SYNE1: variants seen among roughly 807,000 people sequenced by gnomAD.
The protein encoded by SYNE1 is nesprin-1.
Under a neutral mutation model 1,111.0 loss-of-function variants are expected in SYNE1, and 616 were observed. The observed-to-expected ratio is 0.55, with a 90% confidence interval of 0.52 to 0.59. SYNE1 has a LOEUF of 0.59. SYNE1 is among the 20% of genes least tolerant of loss of function. SYNE1 has a pLI of 0.00. For missense variants in SYNE1, 10,006 were observed against 10,417.0 expected (o/e 0.96, Z 1.72); for synonymous variants, 3,855 against 3,825.8 (o/e 1.01, Z -0.28).
At chr6:152,184,722 T>C (rs2069287498) in intron 128 of SYNE1, among the ~76,000 whole-genome samples, 1 of 152,012 alleles carries the variant, frequency 6.6e-6, no homozygotes, top group Admixed American at 6.6e-5. Flanking sequence ...ACCATGAAAA[T>C]GTTGCTTTCA....
intron 95 of SYNE1, among the ~76,000 whole-genome samples, chr6:152,287,952 T>A (rs1006078758): frequency 1.3e-5 from 2 of 152,246 alleles, no homozygotes; most frequent in African/African-American, 4.8e-5. Context: ...TTATTATATA[T>A]GCAAAGTATT....
At chr6:152,390,205 G>T in intron 53 of SYNE1, 75 bp downstream of exon 53, 3 of 1,524,678 alleles carry the variant, frequency 2.0e-6, no homozygotes, top group East Asian at 4.5e-5. Context: ...CACCCCAGGA[G>T]ACCTCAGTAC....
intron 56 of SYNE1, 108 bp downstream of exon 56, chr6:152,380,898 G>A: frequency 1.0e-6 from 1 of 1,002,414 alleles, no homozygotes; most frequent in Non-Finnish European, 1.6e-6. Flanking sequence ...TCTTCCAAGT[G>A]TGCATGTTGC....
chr6:152,233,855 C>T lies in SYNE1; in HGVS notation c.20638G>A (p.Glu6880Lys). The change falls in exon 112 of 146, where the codon GAG becomes AAG. Residue 6880 changes from glutamate to lysine, a missense_variant. This residue lies in a region of SYNE1 where 2,182 missense variants were observed against 2,287.8 expected (regional missense o/e 0.95). Coordinates refer to ENST00000367255, the MANE Select transcript of SYNE1 (RefSeq NM_182961.4). ...CACTGGCTATCAATGCGCGACAGCTCAGAGCGCAGCGTGGCTGTGTCCACC... is the reference window on the plus strand; with the variant it reads ...CACTGGCTATCAATGCGCGACAGCTTAGAGCGCAGCGTGGCTGTGTCCACC... ...KKVDTATLRSELSRIDSQWTD... is the reference protein window; with the variant it reads ...KKVDTATLRSKLSRIDSQWTD... The T allele has an allele frequency of 6.2e-7, 1 of 1,614,200 alleles. No individual in the cohort carries two copies. The highest frequency in any genetic ancestry group is 1.1e-5 in the South Asian group (1 of 91,084).
At chr6:152,462,110 T>C (rs949386826) in intron 20 of SYNE1, among the ~76,000 whole-genome samples, 11 of 149,140 alleles carry the variant, frequency 7.4e-5, no homozygotes, top group Admixed American at 4.0e-4. Flanking sequence ...AAAAAAAAAG[T>C]AACTCATTGC....
intron 8 of SYNE1, among the ~76,000 whole-genome samples, chr6:152,507,453 ATATATGTAGGTATGCACAC>A (rs1240318928): frequency 1.3e-5 from 2 of 152,174 alleles, no homozygotes; most frequent in African/African-American, 4.8e-5. Context: ...TGTTGAAAAA[ATATATGTAGGTATGCACAC>A]ACACACATAC....
At chr6:152,405,136 C>T (rs974189201) in intron 45 of SYNE1, among the ~76,000 whole-genome samples, 1 of 152,176 alleles carries the variant, frequency 6.6e-6, no homozygotes, top group Non-Finnish European at 1.5e-5. Flanking sequence ...TATACTGCAG[C>T]GGGAATGGCC....
chr6:152,453,313 G>A, intron 25 of SYNE1: 1 of 598,888 alleles, frequency 1.7e-6, no homozygotes, highest in Non-Finnish European at 2.9e-6. Flanking sequence ...TAAGTTAAAT[G>A]TTCTTGCACC....
intron 145 of SYNE1, among the ~76,000 whole-genome samples, chr6:152,124,809 C>T (rs1357306944): frequency 1.3e-5 from 2 of 152,158 alleles, no homozygotes; most frequent in African/African-American, 4.8e-5. Context: ...ATAAAATATT[C>T]ATGTTGAGAC....
At chr6:152,440,319 C>T (rs1020847598) in intron 32 of SYNE1, among the ~76,000 whole-genome samples, 1 of 152,188 alleles carries the variant, frequency 6.6e-6, no homozygotes, top group African/African-American at 2.4e-5. Flanking sequence ...TCCTTTTAAG[C>T]CTTCAACAAG....
intron 3 of SYNE1, among the ~76,000 whole-genome samples, chr6:152,552,778 A>C (rs2099351788): frequency 6.6e-6 from 1 of 152,192 alleles, no homozygotes; most frequent in South Asian, 2.1e-4. Context: ...TGCACAGAGC[A>C]CCAGGTGGTG....
rs535136412 is a variant in SYNE1 at position 152,504,405 on chromosome 6, T to G, written c.778+796A>C. Reference sequence around the variant, plus strand: ...AGAGCTAGGGAAGTTCAGTCTGAAATTCCATCTTTAAAAATAATTTTTGGT... The same window carrying G: ...AGAGCTAGGGAAGTTCAGTCTGAAAGTCCATCTTTAAAAATAATTTTTGGT... On this transcript the variant is annotated intron_variant, in intron 9 of 145. Coordinates refer to ENST00000367255, the MANE Select transcript of SYNE1 (RefSeq NM_182961.4). Among the ~76,000 whole-genome samples, 11 of 152,226 alleles carry G rather than the reference T, an allele frequency of 7.2e-5. No individual in the cohort carries two copies. The East Asian group carries it at 2.1e-3, about 29-fold the overall frequency.
chr6:152,305,675 A>G (rs1267723318), intron 91 of SYNE1, among the ~76,000 whole-genome samples: 1 of 152,220 alleles, frequency 6.6e-6, no homozygotes, highest in Non-Finnish European at 1.5e-5. Flanking sequence ...TTCAATTAAA[A>G]CAAGACAGAA....
At chr6:152,220,119 TA>T (rs1408576431) in intron 119 of SYNE1, among the ~76,000 whole-genome samples, 5 of 152,244 alleles carry the variant, frequency 3.3e-5, no homozygotes, top group Non-Finnish European at 5.9e-5. Flanking sequence ...TCTTTAGCTT[TA>T]AAGTGATTAT....
chr6:152,358,373 C>T lies in SYNE1; in HGVS notation c.10608G>A (p.Gln3536=), dbSNP rs1246237055. ...HTHETTLRDL[Q]ELQVHCAEGQ... Reference sequence around the variant, plus strand: ...TGTTTTAGGATAAAGGAGGCCTTACCTGAAGATCACGCAATGTTGTCTCAT... The same window carrying T: ...TGTTTTAGGATAAAGGAGGCCTTACTTGAAGATCACGCAATGTTGTCTCAT... The change falls in exon 66 of 146, where the codon CAG becomes CAA. Residue 3536 remains glutamine (Q), a splice_region_variant and synonymous_variant. Coordinates refer to ENST00000367255, the MANE Select transcript of SYNE1 (RefSeq NM_182961.4). 4 of 1,614,110 alleles carry T rather than the reference C, an allele frequency of 2.5e-6. No homozygotes were observed. The highest frequency in any genetic ancestry group is 3.3e-4 in the Middle Eastern group (2 of 6,062).
In SYNE1 at chr6:152,350,682, A is replaced by T. The variant is rs750372071; in HGVS notation, c.11669T>A (p.Val3890Asp). 89 of 1,614,048 alleles carry T rather than the reference A, an allele frequency of 5.5e-5. 5 individuals carry two copies. The South Asian group carries it at 9.1e-4, about 17-fold the overall frequency. Residue 3890 changes from valine to aspartate, a missense_variant, in exon 71 of 146, where the codon GTC (valine) becomes GAC (aspartate). Around this residue, in one of 7 missense-constraint regions of SYNE1, gnomAD observed 4,955 missense variants for 5,017.2 expected, o/e 0.99. Transcript: ENST00000367255. Reference protein sequence around the residue: ...GEALLELVQDVTLKDKIDQLQ... With the variant: ...GEALLELVQDDTLKDKIDQLQ... The stretch of plus-strand genomic sequence containing the variant: ...TTGATCTATTTTGTCCTTTAAAGTG[A>T]CGTCCTGCACCAGTTCCAAAAGAGC...
Position 152,149,574 on chromosome 6 carries a change from G to C in SYNE1, c.24545C>G (p.Ala8182Gly). 3 of 1,614,128 alleles carry C rather than the reference G, an allele frequency of 1.9e-6. No homozygotes were observed. The highest frequency in any genetic ancestry group is 2.5e-6 in the Non-Finnish European group (3 of 1,180,004). The stretch of plus-strand genomic sequence containing the variant: ...ATCTAGTTCCTCCTCGATGATCGCT[G>C]CATCCAAGGGCTCACTCTTTTCTAT... The part of the protein sequence containing the change: ...QLIEKSEPLD[A>G]AIIEEELDEL... Residue 8182 changes from alanine to glycine, a missense_variant, in exon 136 of 146, where the codon GCA (alanine) becomes GGA (glycine). Physicochemically the swap from Ala to Gly is moderately conservative, Grantham distance 60 (BLOSUM62 0). This residue lies in a region of SYNE1 where 761 missense variants were observed against 795.5 expected (regional missense o/e 0.96). Coordinates refer to ENST00000367255, the MANE Select transcript of SYNE1 (RefSeq NM_182961.4).
intron 3 of SYNE1, among the ~76,000 whole-genome samples, chr6:152,604,312 T>C (rs2099605336): frequency 6.6e-6 from 1 of 152,012 alleles, no homozygotes; most frequent in African/African-American, 2.4e-5. Flanking sequence ...TATTTATTTA[T>C]TTCTTTTTGA....
chr6:152,565,785 T>A (rs2099411591), intron 3 of SYNE1, among the ~76,000 whole-genome samples: 1 of 152,172 alleles, frequency 6.6e-6, no homozygotes, highest in South Asian at 2.1e-4. Flanking sequence ...TTTCAATTTC[T>A]CACTTAAGCC....
Sources: gnomAD v4.1 joint callset for allele counts (sites outside exome capture counted in the v4.1 genomes callset) on GRCh38, gnomAD v4.1.1 for gene constraint, gnomAD v4.1.1 regional missense constraint, MANE v1.5 for transcripts, NCBI Gene and HGNC (gene_info 2026-07-23, HGNC 2026-07-21) for gene names.